The following TMEM185A variants were observed in gnomAD, a reference collection of about 807,000 sequenced individuals.
TMEM185A encodes transmembrane protein 185A.
In TMEM185A, 9 loss-of-function variants were observed where a neutral mutation model predicts 25.0. The observed-to-expected ratio is 0.36, with a 90% confidence interval of 0.22 to 0.63. The LOEUF is 0.63. Ranked by LOEUF, TMEM185A falls within the 20% of genes least tolerant of loss-of-function variation. The pLI is 0.68. For synonymous variants in TMEM185A, 45 were observed against 93.5 expected (o/e 0.48, Z 2.99); for missense variants, 103 against 237.4 (o/e 0.43, Z 3.72).
chrX:149,611,415 G>A lies in TMEM185A; in HGVS notation c.87C>T (p.Ala29=). Residue 29 remains alanine (A), a synonymous_variant, in exon 2 of 7, where the codon GCC becomes GCT. Transcript: ENST00000600449. ...ACLLLFSVLL[A]LRLDGIIQWS... ...ACTGTATGATGCCATCCAAACGAAG[G>A]GCCAGCAGCACAGAGAACAGCAGCA... The A allele has an allele frequency of 1.7e-6, 2 of 1,210,057 alleles. No individual in the cohort carries two copies. Among genetic ancestry groups the A allele is most frequent in the South Asian group, 1.8e-5 (1 of 56,469 alleles).
At chrX:149,611,091 G>A (rs1236175089) in intron 2 of TMEM185A, among the ~76,000 whole-genome samples, 196 bp downstream of exon 2, 4 of 111,605 alleles carry the variant, frequency 3.6e-5, no homozygotes, top group Non-Finnish European at 7.5e-5. Context: ...ACCCCCAAAT[G>A]GCACTGCTTT....
intron 1 of TMEM185A, among the ~76,000 whole-genome samples, chrX:149,620,152 A>ACTATAAAT (rs1307016552): frequency 8.9e-6 from 1 of 111,953 alleles, no homozygotes; most frequent in East Asian, 2.8e-4. Context: ...TACCCAAAGG[A>ACTATAAAT]CTATAAATCA....
intron 2 of TMEM185A, among the ~76,000 whole-genome samples, chrX:149,610,817 G>A (rs782209760): frequency 5.5e-4 from 62 of 111,904 alleles, no homozygotes; most frequent in African/African-American, 2.0e-3. Flanking sequence ...CCCAGCTGCT[G>A]TCTCAGGGAC....
chrX:149,619,401 A>G (rs2090127451), intron 1 of TMEM185A, among the ~76,000 whole-genome samples: 1 of 111,615 alleles, frequency 9.0e-6, no homozygotes, highest in African/African-American at 3.3e-5. Flanking sequence ...TACAAAAAAT[A>G]CCATGAGTTG....
chrX:149,606,507 G>C (rs2090052308), intron 3 of TMEM185A, among the ~76,000 whole-genome samples: 1 of 112,485 alleles, frequency 8.9e-6, no homozygotes. Context: ...TCCCTCTGTA[G>C]AGGCTCCCTC....
chrX:149,625,492 T>C (rs1557355935), intron 1 of TMEM185A, among the ~76,000 whole-genome samples: 3 of 112,796 alleles, frequency 2.7e-5, no homozygotes, highest in Non-Finnish European at 5.6e-5. Context: ...GTAATTCCAA[T>C]GGTACTTCAT....
In TMEM185A at chrX:149,631,656, G is replaced by A. The variant is rs2090193891; in HGVS notation, c.-76C>T. On this transcript the variant is annotated 5_prime_UTR_variant, in exon 1 of 7. Transcript: ENST00000600449. ...CTGCACAGCCTGCGCCTTACAGCGG[G>A]TTCATGGCGCCAGCGCCAGCCGCGT... is the stretch of plus-strand genomic sequence containing the variant. The A allele has an allele frequency of 1.4e-5, 14 of 989,398 alleles. No individual in the cohort carries two copies. Among genetic ancestry groups the A allele is most frequent in the Non-Finnish European group, 1.6e-5 (12 of 742,042 alleles). The allele number at this position is 989,398 out of a possible 1,213,427, so 81.5% of individuals were successfully genotyped here.
chrX:149,612,659 G>A (rs2090089940), intron 1 of TMEM185A, among the ~76,000 whole-genome samples: 1 of 112,044 alleles, frequency 8.9e-6, no homozygotes, highest in Admixed American at 9.4e-5. Context: ...AAGGCGAGAC[G>A]GGCTTGGTTG....
chrX:149,629,890 A>G (rs782688007), intron 1 of TMEM185A, among the ~76,000 whole-genome samples: 5 of 112,455 alleles, frequency 4.4e-5, no homozygotes, highest in Admixed American at 1.9e-4. Flanking sequence ...TTTGTAAGGC[A>G]CTTTGTAATC....
chrX:149,611,536 G>A (rs1455485052), intron 1 of TMEM185A, 73 bp from the exon 2 acceptor site: 2 of 975,071 alleles, frequency 2.1e-6, no homozygotes, highest in South Asian at 5.1e-5. Flanking sequence ...GGAGTAATAA[G>A]AGCCACATTT....
intron 1 of TMEM185A, among the ~76,000 whole-genome samples, chrX:149,618,742 T>C (rs2090123912): frequency 8.9e-6 from 1 of 112,035 alleles, no homozygotes; most frequent in African/African-American, 3.2e-5. Context: ...AATAAACACA[T>C]TACATACTAA....
intron 3 of TMEM185A, among the ~76,000 whole-genome samples, chrX:149,608,005 A>G (rs781915106): frequency 1.0e-3 from 116 of 112,102 alleles, no homozygotes; most frequent in South Asian, 2.2e-3. Context: ...CTAGGTCTCC[A>G]GCCTGTTCAC....
chrX:149,622,056 T>C (rs2090142053), intron 1 of TMEM185A, among the ~76,000 whole-genome samples: 1 of 112,142 alleles, frequency 8.9e-6, no homozygotes, highest in South Asian at 3.7e-4. Context: ...GGTTGCTTCC[T>C]AGATTAAGAA....
At chrX:149,618,814 ACT>A (rs1236603474) in intron 1 of TMEM185A, among the ~76,000 whole-genome samples, 1 of 112,109 alleles carries the variant, frequency 8.9e-6, no homozygotes, top group African/African-American at 3.2e-5. Context: ...GAGTAGCGAC[ACT>A]GTTTCTACAG....
At chrX:149,615,052 A>G (rs782097456) in intron 1 of TMEM185A, among the ~76,000 whole-genome samples, 44 of 112,315 alleles carry the variant, frequency 3.9e-4, no homozygotes, top group Non-Finnish European at 7.5e-4. Context: ...AATATCTCTC[A>G]TGAACAGAGA....
intron 4 of TMEM185A, among the ~76,000 whole-genome samples, chrX:149,602,700 C>G (rs2301163): frequency 0.069 from 7,697 of 112,131 alleles, 208 homozygotes; most frequent in Middle Eastern, 0.12. Context: ...TTTTCCCTGA[C>G]AGTATCTTAT....
At chrX:149,610,579 T>C (rs1245491976) in intron 2 of TMEM185A, among the ~76,000 whole-genome samples, 1 of 110,497 alleles carries the variant, frequency 9.1e-6, no homozygotes, top group African/African-American at 3.3e-5. Flanking sequence ...TCCCCCTTTT[T>C]CCCTTTATGT....
intron 1 of TMEM185A, among the ~76,000 whole-genome samples, chrX:149,620,265 T>C (rs1164619817): frequency 2.7e-5 from 3 of 112,203 alleles, no homozygotes; most frequent in Non-Finnish European, 5.6e-5. Context: ...CAGTCTTGTC[T>C]GTCAGTTGTC....
At chrX:149,604,655 C>G (rs1301233412) in intron 3 of TMEM185A, among the ~76,000 whole-genome samples, 1 of 111,373 alleles carries the variant, frequency 9.0e-6, no homozygotes, top group Non-Finnish European at 1.9e-5. Context: ...TCCAAGACCC[C>G]TCTTAGCCTC....
Sources: gnomAD v4.1 joint callset for allele counts (sites outside exome capture counted in the v4.1 genomes callset) on GRCh38, gnomAD v4.1.1 for gene constraint, MANE v1.5 for transcripts, NCBI Gene and HGNC (gene_info 2026-07-23, HGNC 2026-07-21) for gene names.